The following MTDH variants were observed in gnomAD, a reference collection of about 807,000 sequenced individuals.
MTDH encodes metadherin.
MTDH carries 34 observed loss-of-function variants against 72.7 expected under a neutral mutation model. That is an observed-to-expected ratio of 0.47 (90% CI 0.36 to 0.62). The LOEUF is 0.62. MTDH is among the 20% of genes least tolerant of loss of function. MTDH has a pLI of 0.00. For missense variants in MTDH, 677 were observed against 699.4 expected (o/e 0.97, Z 0.36); for synonymous variants, 266 against 268.9 (o/e 0.99, Z 0.10).
At chr8:97,723,611 C>T (rs1400365181) in intron 11 of MTDH, among the ~76,000 whole-genome samples, 6 of 149,574 alleles carry the variant, frequency 4.0e-5, no homozygotes, top group South Asian at 2.1e-4. Context: ...GGCGTGGTGG[C>T]AGGCACCTGT....
intron 1 of MTDH, among the ~76,000 whole-genome samples, chr8:97,654,159 GTATA>G (rs1288969877): frequency 1.3e-5 from 2 of 152,256 alleles, no homozygotes; most frequent in East Asian, 3.9e-4. Context: ...AAATATCTCA[GTATA>G]TAGTGAGATT....
At chr8:97,655,899 G>A (rs569517426) in intron 1 of MTDH, among the ~76,000 whole-genome samples, 2 of 152,304 alleles carry the variant, frequency 1.3e-5, no homozygotes, top group Admixed American at 1.3e-4. Context: ...GTAAGACAAA[G>A]TATATATTTT....
Position 97,722,919 on chromosome 8 carries a change from C to G in MTDH, c.1562C>G (p.Ser521Cys). ...CCACCTGCTACTTCTACCGAGCCAT[C>G]TGTAATCTTATCAAAAAGTGATTCT... ...TLPPATSTEP[S>C]VILSKSDSDK... Residue 521 changes from serine to cysteine, a missense_variant, in exon 11 of 12, where the codon TCT becomes TGT. Physicochemically the swap from Ser to Cys is moderately radical, Grantham distance 112. This residue lies in a region of MTDH where 201 missense variants were observed against 204.5 expected (regional missense o/e 0.98). Coordinates refer to ENST00000336273, the MANE Select transcript of MTDH (RefSeq NM_178812.4). 6.2e-7 allele frequency: 1 copy of G among 1,614,044 alleles called. No individual in the cohort carries two copies.
intron 6 of MTDH, among the ~76,000 whole-genome samples, chr8:97,699,134 A>G (rs1357304942): frequency 4.6e-5 from 7 of 152,154 alleles, no homozygotes; most frequent in African/African-American, 1.7e-4. Context: ...CAAAAAATAC[A>G]AAAATTAGCT....
intron 6 of MTDH, 73 bp downstream of exon 6, chr8:97,691,261 G>GAA: frequency 9.2e-7 from 1 of 1,086,988 alleles, no homozygotes; most frequent in Non-Finnish European, 1.3e-6. Context: ...TTCAGAAATA[G>GAA]AAAAAAAAAC....
Position 97,724,741 on chromosome 8 carries a change from T to C in MTDH, c.*71T>C, listed in dbSNP as rs1260953518. The stretch of plus-strand genomic sequence containing the variant: ...GAAGATTATGCTGTTTATGCAATAA[T>C]TTGTGAACATGTACAGAGTTTTATA... On this transcript the variant is annotated 3_prime_UTR_variant, in exon 12 of 12. Coordinates refer to ENST00000336273, the MANE Select transcript of MTDH (RefSeq NM_178812.4). The C allele has an allele frequency of 8.4e-7, 1 of 1,189,244 alleles. No individual in the cohort carries two copies. The highest frequency in any genetic ancestry group is 1.2e-6 in the Non-Finnish European group (1 of 841,740). The allele number at this position is 1,189,244 out of a possible 1,614,324, so 73.7% of individuals were successfully genotyped here.
chr8:97,645,033 T>C (rs1232419674), intron 1 of MTDH, 146 bp downstream of exon 1: 3 of 901,434 alleles, frequency 3.3e-6, no homozygotes, highest in Non-Finnish European at 4.7e-6. Flanking sequence ...GAGGAGGAGG[T>C]GATAGGTGGT....
Position 97,690,951 on chromosome 8 carries a change from G to A in MTDH, c.812-1G>A. On this transcript the variant is annotated splice_acceptor_variant, in intron 5 of 11. Coordinates refer to ENST00000336273, the MANE Select transcript of MTDH (RefSeq NM_178812.4). LOFTEE classifies it high-confidence loss of function. ...TTAATATTCATTTTCTTTTCTTTAA[G>A]TTTCTTCAGGATTGAATGAAAACCT... is the stretch of plus-strand genomic sequence containing the variant. The A allele has an allele frequency of 6.3e-7, 1 of 1,589,924 alleles. No homozygotes were observed. The highest frequency in any genetic ancestry group is 8.5e-7 in the Non-Finnish European group (1 of 1,170,014).
intron 2 of MTDH, among the ~76,000 whole-genome samples, chr8:97,663,333 TTTAC>T (rs1466889295): frequency 5.9e-5 from 9 of 152,184 alleles, no homozygotes; most frequent in African/African-American, 1.7e-4. Context: ...ATAGTTGACA[TTTAC>T]TTACTTAAGT....
At chr8:97,710,955 G>T (rs1164508782) in intron 8 of MTDH, among the ~76,000 whole-genome samples, 2 of 152,030 alleles carry the variant, frequency 1.3e-5, no homozygotes, top group East Asian at 3.9e-4. Flanking sequence ...AGCCAAGATG[G>T]CACCATTGCA....
intron 2 of MTDH, among the ~76,000 whole-genome samples, chr8:97,676,205 G>T (rs72671517): frequency 0.044 from 6,677 of 152,218 alleles, 203 homozygotes; most frequent in Non-Finnish European, 0.066. Context: ...CTCCCAAAGT[G>T]CTGGGATTAC....
chr8:97,666,971 A>G (rs2130946946), intron 2 of MTDH, among the ~76,000 whole-genome samples: 1 of 152,024 alleles, frequency 6.6e-6, no homozygotes, highest in African/African-American at 2.4e-5. Flanking sequence ...TGCTGGGATT[A>G]TAGGTGAGAT....
At chr8:97,645,724 A>C (rs1811540312) in intron 1 of MTDH, among the ~76,000 whole-genome samples, 1 of 152,208 alleles carries the variant, frequency 6.6e-6, no homozygotes, top group African/African-American at 2.4e-5. Context: ...TTAGGCCTTC[A>C]TGTTTTACGT....
intron 7 of MTDH, 111 bp from the exon 8 acceptor site, chr8:97,706,515 C>A: frequency 1.9e-6 from 2 of 1,040,702 alleles, no homozygotes; most frequent in Non-Finnish European, 2.6e-6. Flanking sequence ...GCTTGGGAGA[C>A]AGAACAATAA....
chr8:97,700,827 C>G (rs1199597039), intron 7 of MTDH, among the ~76,000 whole-genome samples: 10 of 152,132 alleles, frequency 6.6e-5, no homozygotes, highest in Admixed American at 6.6e-4. Flanking sequence ...CTCTAGAGTT[C>G]ATGCTCTTAA....
intron 1 of MTDH, among the ~76,000 whole-genome samples, chr8:97,657,840 A>G (rs1812038176): frequency 6.6e-6 from 1 of 152,144 alleles, no homozygotes. Context: ...CCATATTGAC[A>G]ATCACAAGGG....
Position 97,699,786 on chromosome 8 carries a change from A to G in MTDH, c.1081A>G (p.Thr361Ala). ...STAEPVSQST[T>A]SDYQWDVSRN... ...TGCTGAGCCAGTTTCTCAGTCTACC[A>G]CTTCTGATTATCAGTGGGATGTTAG... Residue 361 changes from threonine (T) to alanine (A), a missense_variant, in exon 7 of 12, where the codon ACT (threonine) becomes GCT (alanine). Physicochemically the swap from Thr to Ala is moderately conservative, Grantham distance 58. This residue lies in a region of MTDH where 467 missense variants were observed against 469.1 expected (regional missense o/e 1.00). Coordinates refer to ENST00000336273, the MANE Select transcript of MTDH (RefSeq NM_178812.4). 6.2e-7 allele frequency: 1 copy of G among 1,613,316 alleles called. No individual in the cohort carries two copies. Among genetic ancestry groups the G allele is most frequent in the Admixed American group, 1.7e-5 (1 of 60,014 alleles).
intron 1 of MTDH, among the ~76,000 whole-genome samples, chr8:97,650,249 C>G (rs1811718605): frequency 6.6e-6 from 1 of 152,038 alleles, no homozygotes; most frequent in South Asian, 2.1e-4. Flanking sequence ...AGCCACCAGG[C>G]CCGGCCAGTT....
chr8:97,670,997 C>A (rs1342031187), intron 2 of MTDH, among the ~76,000 whole-genome samples: 1 of 119,250 alleles, frequency 8.4e-6, no homozygotes, highest in African/African-American at 3.3e-5. Context: ...CTCGCTCTGT[C>A]GCCCAGGCCG....
Sources: gnomAD v4.1 joint callset for allele counts (sites outside exome capture counted in the v4.1 genomes callset) on GRCh38, gnomAD v4.1.1 for gene constraint, gnomAD v4.1.1 regional missense constraint, MANE v1.5 for transcripts, NCBI Gene and HGNC (gene_info 2026-07-23, HGNC 2026-07-21) for gene names.